The following JPH1 variants were observed in gnomAD, a reference collection of about 807,000 sequenced individuals.
JPH1 encodes the protein junctophilin 1, also known as junctophilin-1.
A neutral mutation model predicts 53.6 loss-of-function variants in JPH1; 12 were observed. The observed-to-expected ratio is 0.22, with a 90% CI of 0.14 to 0.36. JPH1 has a LOEUF of 0.36. Ranked by LOEUF, JPH1 falls within the 10% of genes least tolerant of loss-of-function variation. The pLI, the probability that JPH1 is intolerant of heterozygous loss-of-function variation, is 1.00. For missense variants in JPH1, 808 were observed against 905.5 expected (o/e 0.89, Z 1.38); for synonymous variants, 375 against 363.8 (o/e 1.03, Z -0.35).
intron 2 of JPH1, among the ~76,000 whole-genome samples, chr8:74,312,656 G>A (rs549820660): frequency 6.6e-6 from 1 of 152,270 alleles, no homozygotes; most frequent in African/African-American, 2.4e-5. Flanking sequence ...CTTCGTATCT[G>A]TTGAACAGCA....
chr8:74,311,590 T>C (rs1275027911), intron 2 of JPH1, among the ~76,000 whole-genome samples: 2 of 152,084 alleles, frequency 1.3e-5, no homozygotes, highest in Non-Finnish European at 2.9e-5. Flanking sequence ...GTTACATACA[T>C]ATACATGTGC....
intron 3 of JPH1, among the ~76,000 whole-genome samples, chr8:74,258,941 C>A (rs1419865205): frequency 6.6e-6 from 1 of 152,098 alleles, no homozygotes; most frequent in East Asian, 1.9e-4. Context: ...CTGAAATGCT[C>A]CAGAATCCAA....
intron 2 of JPH1, among the ~76,000 whole-genome samples, chr8:74,312,942 A>G (rs576143224): frequency 2.6e-4 from 39 of 152,354 alleles, no homozygotes; most frequent in African/African-American, 9.1e-4. Flanking sequence ...GTATTCCCAA[A>G]TGAAATAATA....
At chr8:74,247,033 G>C (rs1805880099) in intron 3 of JPH1, among the ~76,000 whole-genome samples, 1 of 152,150 alleles carries the variant, frequency 6.6e-6, no homozygotes. Context: ...GCATTAAGGG[G>C]AAAAAGGGCA....
chr8:74,298,166 C>G (rs1807575234), intron 2 of JPH1, among the ~76,000 whole-genome samples: 1 of 152,174 alleles, frequency 6.6e-6, no homozygotes, highest in Non-Finnish European at 1.5e-5. Flanking sequence ...TTACTTGAAA[C>G]TCATGTTATC....
At chr8:74,305,415 T>A (rs1807804181) in intron 2 of JPH1, among the ~76,000 whole-genome samples, 1 of 152,236 alleles carries the variant, frequency 6.6e-6, no homozygotes, top group South Asian at 2.1e-4. Flanking sequence ...ATGAATGCAA[T>A]CCCATTTTGG....
At position 74,321,240 on chromosome 8, in the gene JPH1, G is replaced by A; in HGVS notation, c.48C>T (p.Gly16=). The change falls in exon 1 of 6, where the codon GGC becomes GGT. Residue 16 remains glycine (G), a synonymous_variant. Coordinates refer to ENST00000342232, the MANE Select transcript of JPH1 (RefSeq NM_020647.4). The surrounding 1 kb of genome is among the most constrained non-coding windows in gnomAD (Gnocchi z 4.3). Reference sequence around the variant, plus strand: ...CGTGCGCCTTGCCCTCCTCCCAGCCGCCGCAGTAGGTGCCGCCATCGTCGA... The same window carrying A: ...CGTGCGCCTTGCCCTCCTCCCAGCCACCGCAGTAGGTGCCGCCATCGTCGA... ...FDFDDGGTYC[G]GWEEGKAHGH... is the part of the protein sequence containing the mutation. 3 of 1,604,966 alleles carry A rather than the reference G, an allele frequency of 1.9e-6. No homozygotes were observed. Among genetic ancestry groups the A allele is most frequent in the African/African-American group, 1.3e-5 (1 of 74,542 alleles).
chr8:74,277,875 T>C (rs919523608), intron 2 of JPH1, among the ~76,000 whole-genome samples: 11 of 152,056 alleles, frequency 7.2e-5, no homozygotes, highest in African/African-American at 2.7e-4. Flanking sequence ...CTCAAAGATA[T>C]ATTAAAAAAA....
At chr8:74,267,213 G>T in intron 2 of JPH1, among the ~76,000 whole-genome samples, 1 of 152,144 alleles carries the variant, frequency 6.6e-6, no homozygotes, top group Non-Finnish European at 1.5e-5. Context: ...AACTGTGAGC[G>T]TCATGTCACA....
intron 2 of JPH1, among the ~76,000 whole-genome samples, chr8:74,261,337 C>T (rs998901313): frequency 6.6e-6 from 1 of 152,098 alleles, no homozygotes; most frequent in Non-Finnish European, 1.5e-5. Flanking sequence ...TGTGTGTGTG[C>T]ATGAGGAGAG....
At chr8:74,292,608 G>A (rs1325243402) in intron 2 of JPH1, among the ~76,000 whole-genome samples, 1 of 151,932 alleles carries the variant, frequency 6.6e-6, no homozygotes, top group African/African-American at 2.4e-5. Context: ...GTAAAATGAA[G>A]ATATTTTAAT....
chr8:74,280,802 TATC>T (rs1220499043), intron 2 of JPH1, among the ~76,000 whole-genome samples: 2 of 151,480 alleles, frequency 1.3e-5, no homozygotes, highest in Non-Finnish European at 2.9e-5. Context: ...AATACACACA[TATC>T]ATACTGCCTG....
rs7817796 is a variant in JPH1, at chr8:74,290,663, A to G, written c.1139+24198T>C. Among the ~76,000 whole-genome samples, 936 of 152,260 alleles carry G rather than the reference A, an allele frequency of 6.1e-3. 15 individuals are homozygous for G. The highest frequency in any genetic ancestry group is 0.02 in the African/African-American group (851 of 41,542). ...TTCATATGGAACCAAAAAAGACCCC[A>G]CATTGCCAAGACAATCCTAAACCAA... is the stretch of plus-strand genomic sequence containing the variant. On this transcript the variant is annotated intron_variant, in intron 2 of 5. Coordinates refer to ENST00000342232, the MANE Select transcript of JPH1 (RefSeq NM_020647.4).
At chr8:74,282,456 C>T (rs915292195) in intron 2 of JPH1, among the ~76,000 whole-genome samples, 7 of 152,092 alleles carry the variant, frequency 4.6e-5, no homozygotes, top group East Asian at 3.8e-4. Flanking sequence ...AGAGATGTCA[C>T]GAATATGCAT....
At chr8:74,244,396 C>G in intron 4 of JPH1, 133 bp downstream of exon 4, 1 of 922,782 alleles carries the variant, frequency 1.1e-6, no homozygotes, top group Non-Finnish European at 1.6e-6. Context: ...GTGTTATGTG[C>G]TGCTCTAAAC....
intron 3 of JPH1, among the ~76,000 whole-genome samples, chr8:74,251,305 C>T (rs769940946): frequency 3.9e-5 from 6 of 152,036 alleles, no homozygotes; most frequent in African/African-American, 1.2e-4. Flanking sequence ...TTTTTATAAC[C>T]CAATCAGGTT....
At chr8:74,299,192 G>A (rs1199539327) in intron 2 of JPH1, among the ~76,000 whole-genome samples, 3 of 151,384 alleles carry the variant, frequency 2.0e-5, no homozygotes, top group Non-Finnish European at 4.4e-5. Context: ...TCTTTACGAA[G>A]TCATTCCAGA....
chr8:74,250,443 C>T (rs1429164525), intron 3 of JPH1, among the ~76,000 whole-genome samples: 1 of 152,156 alleles, frequency 6.6e-6, no homozygotes, highest in Non-Finnish European at 1.5e-5. Context: ...TAAAAAGAAA[C>T]TGAAACAGTG....
chr8:74,295,916 G>A (rs995136530), intron 2 of JPH1, among the ~76,000 whole-genome samples: 22 of 151,814 alleles, frequency 1.4e-4, no homozygotes, highest in African/African-American at 5.1e-4. Flanking sequence ...TGTTTTACCC[G>A]AGTCCTGTGA....
Sources: allele counts gnomAD v4.1 joint callset (sites outside exome capture counted in the v4.1 genomes callset), GRCh38; gene constraint gnomAD v4.1.1; non-coding constraint Gnocchi (gnomAD v3.1); transcripts MANE v1.5; gene names NCBI Gene and HGNC (gene_info 2026-07-23, HGNC 2026-07-21).